The following NT5DC3 variants were observed in gnomAD, a reference collection of about 807,000 sequenced individuals.
NT5DC3 encodes the protein 5'-nucleotidase domain-containing protein 3.
NT5DC3 carries 42 observed loss-of-function variants against 67.8 expected under a neutral mutation model. The ratio of observed to expected loss-of-function variants is 0.62; its 90% CI spans 0.48 to 0.80. NT5DC3 has a LOEUF of 0.80. Among genes scored for constraint, NT5DC3 ranks in the 30% least tolerant of loss-of-function variants. The pLI is 0.00. For missense variants in NT5DC3, 570 were observed against 696.4 expected (o/e 0.82, Z 2.04); for synonymous variants, 237 against 255.6 (o/e 0.93, Z 0.69).
the NT5DC3 span, among the ~76,000 whole-genome samples, chr12:103,764,008 T>TG: frequency 1.3e-5 from 2 of 151,834 alleles, no homozygotes; most frequent in African/African-American, 2.4e-5. Context: ...TTCTTTGAGA[T>TG]GGAGTCTCAC....
intron 9 of NT5DC3, 119 bp from the exon 10 acceptor site, chr12:103,789,038 A>G: frequency 4.2e-6 from 3 of 709,902 alleles, no homozygotes; most frequent in Non-Finnish European, 7.6e-6. Context: ...AAAAAACCCG[A>G]AACCAAAACT....
chr12:103,753,069 T>A, the NT5DC3 span: 1 of 794,468 alleles, frequency 1.3e-6, no homozygotes, highest in South Asian at 2.3e-5. Context: ...TTTTAAATGA[T>A]GTACTTCAAC....
intron 11 of NT5DC3, 113 bp from the exon 12 acceptor site, chr12:103,785,588 T>C (rs1346846044): frequency 2.8e-6 from 3 of 1,060,026 alleles, no homozygotes; most frequent in Admixed American, 1.8e-5. Flanking sequence ...TGGTAATGGT[T>C]AGTTATTCAC....
chr12:103,794,125 T>C, intron 6 of NT5DC3, 128 bp from the exon 7 acceptor site: 1 of 665,726 alleles, frequency 1.5e-6, no homozygotes, highest in Non-Finnish European at 2.6e-6. Flanking sequence ...CTACACAAAA[T>C]CTAAATTCTG....
intron 9 of NT5DC3, among the ~76,000 whole-genome samples, chr12:103,792,804 A>C (rs1886123246): frequency 6.6e-6 from 1 of 152,216 alleles, no homozygotes; most frequent in South Asian, 2.1e-4. Flanking sequence ...GAGCTACCCA[A>C]CAGGCAGTTT....
intron 1 of NT5DC3, among the ~76,000 whole-genome samples, chr12:103,834,552 A>C (rs920583673): frequency 2.0e-5 from 3 of 152,252 alleles, no homozygotes; most frequent in Non-Finnish European, 2.9e-5. Context: ...AAAACTGAGT[A>C]AACAATGAAT....
chr12:103,749,246 C>T, the NT5DC3 span: 1 of 1,339,068 alleles, frequency 7.5e-7, no homozygotes. Context: ...TGCTTATCTC[C>T]TGGACTCTTC....
intron 1 of NT5DC3, among the ~76,000 whole-genome samples, chr12:103,826,087 G>C (rs187568172): frequency 6.6e-6 from 1 of 152,280 alleles, no homozygotes; most frequent in East Asian, 1.9e-4. Context: ...CTTCCTAACT[G>C]TCAGTCCCTT....
the NT5DC3 span, chr12:103,759,135 C>T: frequency 6.2e-7 from 1 of 1,613,856 alleles, no homozygotes; most frequent in South Asian, 1.1e-5. Flanking sequence ...TTTCTCAGAC[C>T]TTGTCTGGGC....
At chr12:103,793,292 T>C in intron 8 of NT5DC3, 27 bp from the exon 9 acceptor site, 1 of 1,583,334 alleles carries the variant, frequency 6.3e-7, no homozygotes, top group Non-Finnish European at 8.7e-7. Flanking sequence ...GCCAGGTTAG[T>C]CTAACATTAA....
At chr12:103,798,232 A>G (rs1445898356) in intron 5 of NT5DC3, among the ~76,000 whole-genome samples, 1 of 152,216 alleles carries the variant, frequency 6.6e-6, no homozygotes, top group Non-Finnish European at 1.5e-5. Flanking sequence ...GTGGCTGTGT[A>G]GCCATCAACT....
the NT5DC3 span, among the ~76,000 whole-genome samples, chr12:103,765,120 GTAAGTTCAGC>G: frequency 6.7e-6 from 1 of 148,238 alleles, no homozygotes; most frequent in Non-Finnish European, 1.5e-5. Context: ...AAGGGAGGTG[GTAAGTTCAGC>G]TAAATTACAT....
At chr12:103,781,640 AC>A (rs35218140) in intron 12 of NT5DC3, among the ~76,000 whole-genome samples, 35,971 of 152,080 alleles carry the variant, frequency 0.24, 4,835 homozygotes, top group South Asian at 0.46. Flanking sequence ...CTGGTGCCCA[AC>A]CCCCTTTCTC....
chr12:103,756,037 A>G, the NT5DC3 span, among the ~76,000 whole-genome samples: 5 of 152,100 alleles, frequency 3.3e-5, no homozygotes, highest in African/African-American at 7.2e-5. Context: ...GGAAAATTCT[A>G]TGTTCTTGTG....
At chr12:103,807,849 C>G (rs1886867960) in intron 2 of NT5DC3, among the ~76,000 whole-genome samples, 1 of 152,216 alleles carries the variant, frequency 6.6e-6, no homozygotes, top group South Asian at 2.1e-4. Context: ...CTCTTGCCTG[C>G]TGCCAATGTA....
chr12:103,809,854 A>T (rs1232810120), intron 2 of NT5DC3, among the ~76,000 whole-genome samples: 2 of 152,322 alleles, frequency 1.3e-5, no homozygotes, highest in African/African-American at 4.8e-5. Context: ...GGACGATGTC[A>T]TAATGAAGAA....
At chr12:103,785,735 C>G in intron 11 of NT5DC3, 1 of 452,934 alleles carries the variant, frequency 2.2e-6, no homozygotes, top group Non-Finnish European at 4.2e-6. Flanking sequence ...GGTCTGGAAT[C>G]ATTAACCATG....
downstream of NT5DC3, among the ~76,000 whole-genome samples, chr12:103,769,715 A>C (rs1885139601): frequency 6.6e-6 from 1 of 152,252 alleles, no homozygotes; most frequent in East Asian, 1.9e-4. Context: ...ATTCAGAAAG[A>C]TATATGGACT....
chr12:103,748,354 T>C, the NT5DC3 span, among the ~76,000 whole-genome samples: 1 of 152,054 alleles, frequency 6.6e-6, no homozygotes, highest in Non-Finnish European at 1.5e-5. Context: ...TAATCTATCG[T>C]TGGGTCGATA....
Sources: gnomAD v4.1 joint callset for allele counts (sites outside exome capture counted in the v4.1 genomes callset) on GRCh38, gnomAD v4.1.1 for gene constraint, MANE v1.5 for transcripts, NCBI Gene and HGNC (gene_info 2026-07-23, HGNC 2026-07-21) for gene names.